Variants in KHDRBS3 observed in about 807,000 individuals in gnomAD.
KHDRBS3 encodes the protein KH domain-containing, RNA-binding, signal transduction-associated protein 3.
Under a neutral mutation model 45.6 loss-of-function variants are expected in KHDRBS3, and 23 were observed. That is an observed-to-expected ratio of 0.50 (90% CI 0.36 to 0.72). The LOEUF (loss-of-function observed/expected upper bound fraction) is 0.72, where lower values mean the gene tolerates loss of function less well. KHDRBS3 is among the 30% of genes least tolerant of loss of function. The pLI is 0.00. For synonymous variants in KHDRBS3, 162 were observed against 156.5 expected, an observed-to-expected ratio of 1.04 and a Z score of -0.26; for missense variants, 352 against 424.8, an observed-to-expected ratio of 0.83 and a Z score of 1.51.
intron 8 of KHDRBS3, among the ~76,000 whole-genome samples, chr8:135,645,794 G>A (rs1428613355): frequency 6.6e-6 from 1 of 152,210 alleles, no homozygotes; most frequent in Admixed American, 6.5e-5. Context: ...AGGGCAAGGA[G>A]ATCAGAGAAC....
chr8:135,506,624 C>A (rs7009587), intron 1 of KHDRBS3, among the ~76,000 whole-genome samples: 1 of 151,822 alleles, frequency 6.6e-6, no homozygotes, highest in African/African-American at 2.4e-5. Context: ...GGCTGGTCTC[C>A]AACTCCTGAC....
intron 1 of KHDRBS3, among the ~76,000 whole-genome samples, chr8:135,514,432 G>GTGATTA (rs1437286213): frequency 1.3e-5 from 2 of 152,166 alleles, no homozygotes; most frequent in African/African-American, 4.8e-5. Context: ...GAGCCTTGAG[G>GTGATTA]GCATTATGCT....
chr8:135,594,455 G>A (rs1828884558), intron 6 of KHDRBS3, among the ~76,000 whole-genome samples: 1 of 152,142 alleles, frequency 6.6e-6, no homozygotes, highest in African/African-American at 2.4e-5. Context: ...CAACTGTTCT[G>A]TGCCTCAGTT....
intron 7 of KHDRBS3, chr8:135,625,177 C>G: frequency 7.3e-7 from 1 of 1,372,642 alleles, no homozygotes; most frequent in South Asian, 1.2e-5. Flanking sequence ...CTCTGCTGGT[C>G]CAGGCTGTTA....
chr8:135,466,582 A>G (rs1281304277), intron 1 of KHDRBS3, among the ~76,000 whole-genome samples: 1 of 152,240 alleles, frequency 6.6e-6, no homozygotes, highest in Non-Finnish European at 1.5e-5. Flanking sequence ...ATATAAATCA[A>G]ATTCCCAAAT....
chr8:135,596,197 C>T (rs187168422), intron 6 of KHDRBS3, among the ~76,000 whole-genome samples: 22 of 152,266 alleles, frequency 1.4e-4, no homozygotes, highest in Middle Eastern at 3.4e-3. Context: ...TCATGTTATA[C>T]ACAGTGGATG....
intron 2 of KHDRBS3, among the ~76,000 whole-genome samples, chr8:135,527,051 C>T (rs1324508497): frequency 2.0e-5 from 3 of 151,996 alleles, no homozygotes; most frequent in African/African-American, 7.2e-5. Context: ...TGAGGACCTA[C>T]AGATACATTA....
intron 5 of KHDRBS3, among the ~76,000 whole-genome samples, chr8:135,573,975 A>G (rs562850885): frequency 1.7e-4 from 26 of 152,194 alleles, no homozygotes; most frequent in African/African-American, 6.0e-4. Context: ...ATTCCTATCA[A>G]TTTGGATCTG....
chr8:135,615,379 A>G (rs536777019), intron 7 of KHDRBS3, among the ~76,000 whole-genome samples: 15 of 152,280 alleles, frequency 9.9e-5, no homozygotes, highest in African/African-American at 3.6e-4. Context: ...ACACACACAC[A>G]CACAACCACC....
chr8:135,597,469 G>A (rs1022221034), intron 6 of KHDRBS3, among the ~76,000 whole-genome samples: 13 of 151,972 alleles, frequency 8.6e-5, no homozygotes, highest in Admixed American at 3.9e-4. Flanking sequence ...TAAAATCCAT[G>A]TGACCAGCTC....
At chr8:135,479,183 A>G (rs1320624041) in intron 1 of KHDRBS3, among the ~76,000 whole-genome samples, 3 of 152,268 alleles carry the variant, frequency 2.0e-5, no homozygotes, top group African/African-American at 2.4e-5. Context: ...AGGGAATACT[A>G]TGAACAACTA....
intron 7 of KHDRBS3, among the ~76,000 whole-genome samples, chr8:135,615,566 C>G (rs191480641): frequency 6.6e-6 from 1 of 152,020 alleles, no homozygotes; most frequent in Non-Finnish European, 1.5e-5. Context: ...ATATCATTGA[C>G]GTCTCACAAT....
chr8:135,538,417 G>A (rs970159365), intron 2 of KHDRBS3: 1 of 152,154 alleles, frequency 6.6e-6, no homozygotes, highest in African/African-American at 2.4e-5. Context: ...GGTAAATAAA[G>A]GATCCTCTGT....
chr8:135,504,169 T>C (rs1003886219), intron 1 of KHDRBS3, among the ~76,000 whole-genome samples: 2 of 152,208 alleles, frequency 1.3e-5, no homozygotes, highest in Non-Finnish European at 2.9e-5. Context: ...TTACTTCATG[T>C]CTCACTAAAT....
intron 1 of KHDRBS3, chr8:135,458,910 G>T (rs1280220086): frequency 2.2e-6 from 1 of 456,102 alleles, no homozygotes; most frequent in African/African-American, 2.0e-5. Flanking sequence ...TGGCATGCAC[G>T]GTAAATTAAG....
At chr8:135,608,369 C>G (rs1031113776) in intron 7 of KHDRBS3, among the ~76,000 whole-genome samples, 1 of 152,186 alleles carries the variant, frequency 6.6e-6, no homozygotes, top group Non-Finnish European at 1.5e-5. Context: ...AGTCTCCCAT[C>G]CCCACAGCAT....
chr8:135,481,112 A>C lies in KHDRBS3; in HGVS notation c.88+23158A>C, dbSNP rs182730440. Among the ~76,000 whole-genome samples the C allele has an allele frequency of 1.2e-3, 176 of 151,812 alleles. 1 individual carries two copies. Among genetic ancestry groups the C allele is most frequent in the African/African-American group, 3.6e-3 (149 of 41,342 alleles). ...CAGATTAGATCTTCAAGATTGTTTTAGGATGGTATTCACTGCCCTGCTTAC... is the reference window on the plus strand; with the variant it reads ...CAGATTAGATCTTCAAGATTGTTTTCGGATGGTATTCACTGCCCTGCTTAC... On this transcript the variant is annotated intron_variant, in intron 1 of 8. Coordinates refer to ENST00000355849, the MANE Select transcript of KHDRBS3 (RefSeq NM_006558.3).
At chr8:135,465,354 AAGAC>A (rs1420130795) in intron 1 of KHDRBS3, among the ~76,000 whole-genome samples, 4 of 152,234 alleles carry the variant, frequency 2.6e-5, no homozygotes, top group African/African-American at 7.2e-5. Context: ...AAAATGTTGT[AAGAC>A]AGATGTGTGA....
Position 135,647,243 on chromosome 8 carries a change from C to CATA in KHDRBS3, c.*160_*161insTAA. The CATA allele has an allele frequency of 8.3e-4, 116 of 138,936 alleles. No individual in the cohort carries two copies. Among genetic ancestry groups the CATA allele is most frequent in the Middle Eastern group, 1.3e-3 (1 of 794 alleles). 8.6% of individuals were successfully genotyped at this position (138,936 alleles called of 1,614,324 possible). A position where few individuals can be genotyped will look rare whatever the true frequency, so the allele number is the denominator to read the frequency against. On this transcript the variant is annotated 3_prime_UTR_variant, in exon 9 of 9. Coordinates refer to ENST00000355849, the MANE Select transcript of KHDRBS3 (RefSeq NM_006558.3). ...TACTTTGTTGAAACATCAACCTGGGCAGAAAAAAAAAAAAAAAGACATGTA... is the reference window on the plus strand; with the variant it reads ...TACTTTGTTGAAACATCAACCTGGGCATAAGAAAAAAAAAAAAAAAGACATGTA...
Sources: gnomAD v4.1 joint callset for allele counts (sites outside exome capture counted in the v4.1 genomes callset) on GRCh38, gnomAD v4.1.1 for gene constraint, MANE v1.5 for transcripts, NCBI Gene and HGNC (gene_info 2026-07-23, HGNC 2026-07-21) for gene names.